CAMK4: variants seen among roughly 807,000 people sequenced by gnomAD.
CAMK4 encodes the protein calcium/calmodulin-dependent protein kinase type IV.
CAMK4 carries 22 observed loss-of-function variants against 44.9 expected under a neutral mutation model. The observed-to-expected ratio is 0.49, with a 90% CI of 0.35 to 0.70. CAMK4 has a LOEUF of 0.70. Ranked by LOEUF, CAMK4 falls within the 30% of genes least tolerant of loss-of-function variation. The pLI is 0.01. For synonymous variants in CAMK4, 218 were observed against 215.4 expected (o/e 1.01, Z -0.11); for missense variants, 498 against 586.8 (o/e 0.85, Z 1.56).
intron 5 of CAMK4, among the ~76,000 whole-genome samples, chr5:111,426,650 C>T (rs904365908): frequency 6.6e-6 from 1 of 152,146 alleles, no homozygotes; most frequent in Non-Finnish European, 1.5e-5. Context: ...CTCCCCCACC[C>T]CCAATGGTAC....
intron 1 of CAMK4, among the ~76,000 whole-genome samples, chr5:111,300,467 T>A (rs929264886): frequency 2.0e-5 from 3 of 152,242 alleles, no homozygotes; most frequent in Non-Finnish European, 2.9e-5. Context: ...AAAAGTATAA[T>A]CTTTGCATTG....
chr5:111,278,380 G>T (rs1561381348), intron 1 of CAMK4, among the ~76,000 whole-genome samples: 2 of 151,788 alleles, frequency 1.3e-5, no homozygotes, highest in African/African-American at 4.8e-5. Flanking sequence ...AGGCTTGTTT[G>T]TTTTTTTTAC....
chr5:111,438,429 C>T (rs1218617069), intron 5 of CAMK4, among the ~76,000 whole-genome samples: 1 of 152,110 alleles, frequency 6.6e-6, no homozygotes, highest in East Asian at 1.9e-4. Flanking sequence ...ATTCAAATCA[C>T]ATCATTTGTA....
At chr5:111,348,405 G>A (rs1749953863) in intron 2 of CAMK4, among the ~76,000 whole-genome samples, 1 of 151,936 alleles carries the variant, frequency 6.6e-6, no homozygotes, top group Non-Finnish European at 1.5e-5. Flanking sequence ...TTAACATACA[G>A]TGAATTGTCA....
chr5:111,271,153 C>T (rs541297027), intron 1 of CAMK4, among the ~76,000 whole-genome samples: 4 of 152,210 alleles, frequency 2.6e-5, no homozygotes, highest in East Asian at 1.9e-4. Flanking sequence ...GATTACAATT[C>T]GAGATGAGAT....
Position 111,224,558 on chromosome 5 carries a change from C to T in CAMK4, c.75C>T (p.Thr25=), listed in dbSNP as rs1177531807. 1.6e-5 allele frequency: 25 copies of T among 1,611,604 alleles called. No homozygotes were observed. Among genetic ancestry groups the T allele is most frequent in the Non-Finnish European group, 2.0e-5 (24 of 1,179,504 alleles). The change falls in exon 1 of 11, where the codon ACC becomes ACT. Residue 25 remains threonine (T), a synonymous_variant. Coordinates refer to ENST00000282356, the MANE Select transcript of CAMK4 (RefSeq NM_001744.6). The surrounding 1 kb of genome is among the most constrained non-coding windows in gnomAD (Gnocchi z 5.7). ...SSVTASAAPG[T]ASLVPDYWID... Reference sequence around the variant, plus strand: ...TCACCGCCAGTGCGGCCCCGGGGACCGCGAGCCTCGTCCCGGATTACTGGA... The same window carrying T: ...TCACCGCCAGTGCGGCCCCGGGGACTGCGAGCCTCGTCCCGGATTACTGGA...
At chr5:111,333,404 T>G (rs1250026113) in intron 1 of CAMK4, among the ~76,000 whole-genome samples, 1 of 124,594 alleles carries the variant, frequency 8.0e-6, no homozygotes, top group Non-Finnish European at 1.9e-5. Flanking sequence ...CATAAAATAT[T>G]TTGAAGCAAA....
intron 2 of CAMK4, among the ~76,000 whole-genome samples, chr5:111,351,938 C>G (rs1750128098): frequency 2.0e-5 from 3 of 152,032 alleles, no homozygotes; most frequent in South Asian, 2.1e-4. Flanking sequence ...TGAGGGCACT[C>G]TTTTTGGCTT....
At chr5:111,252,122 C>T (rs1164822968) in intron 1 of CAMK4, among the ~76,000 whole-genome samples, 1 of 152,152 alleles carries the variant, frequency 6.6e-6, no homozygotes, top group East Asian at 1.9e-4. Flanking sequence ...AAGACACTGT[C>T]GTATTCATGG....
At chr5:111,235,929 A>G (rs532392801) in intron 1 of CAMK4, among the ~76,000 whole-genome samples, 2 of 152,352 alleles carry the variant, frequency 1.3e-5, no homozygotes, top group African/African-American at 4.8e-5. Context: ...CATTCTGGAC[A>G]GCTGGATTGG....
rs1751463503 is a variant in CAMK4 at position 111,382,707 on chromosome 5, A to G, written c.386+5765A>G. ...TCAGAGAGGTCTGTTAACTTCCGTT[A>G]GGTCATTCAGCTTATATATGATCTA... On this transcript the variant is annotated intron_variant, in intron 4 of 10. Transcript: ENST00000282356. Among the ~76,000 whole-genome samples the G allele has an allele frequency of 2.6e-5, 4 of 152,210 alleles. No individual in the cohort carries two copies. In the South Asian group the frequency reaches 8.3e-4, roughly 31 times the overall value.
intron 5 of CAMK4, among the ~76,000 whole-genome samples, chr5:111,407,497 G>A (rs983140751): frequency 1.3e-5 from 2 of 152,092 alleles, no homozygotes; most frequent in East Asian, 1.9e-4. Context: ...GAGGAATCAA[G>A]CTGTAAGGAA....
At chr5:111,359,109 A>G (rs1373219020) in intron 2 of CAMK4, among the ~76,000 whole-genome samples, 3 of 152,094 alleles carry the variant, frequency 2.0e-5, no homozygotes, top group Non-Finnish European at 4.4e-5. Flanking sequence ...GGGATTGCTG[A>G]GTTGAATGGT....
At chr5:111,478,157 A>C (rs1442536811) in intron 8 of CAMK4, among the ~76,000 whole-genome samples, 1 of 151,022 alleles carries the variant, frequency 6.6e-6, no homozygotes, top group Non-Finnish European at 1.5e-5. Context: ...TTTTTGTAGA[A>C]ATCCTAAGTT....
chr5:111,410,764 G>A (rs919572914), intron 5 of CAMK4, among the ~76,000 whole-genome samples: 4 of 152,122 alleles, frequency 2.6e-5, no homozygotes, highest in Admixed American at 6.6e-5. Flanking sequence ...AGTTCTCTGC[G>A]ATAATCAGGT....
chr5:111,260,155 C>T (rs1402946388), intron 1 of CAMK4, among the ~76,000 whole-genome samples: 1 of 152,096 alleles, frequency 6.6e-6, no homozygotes, highest in Non-Finnish European at 1.5e-5. Context: ...ACTTGTGTTC[C>T]CCCATCCTGA....
intron 2 of CAMK4, among the ~76,000 whole-genome samples, chr5:111,370,338 G>A (rs1041113264): frequency 2.0e-5 from 3 of 151,938 alleles, no homozygotes; most frequent in Non-Finnish European, 2.9e-5. Context: ...ATACAACATG[G>A]TAATAGGTAA....
intron 7 of CAMK4, among the ~76,000 whole-genome samples, chr5:111,468,141 A>C (rs1446288177): frequency 6.6e-6 from 1 of 152,200 alleles, no homozygotes; most frequent in East Asian, 1.9e-4. Flanking sequence ...AGGCATACAA[A>C]TGATACAAAT....
chr5:111,348,062 T>G (rs1749939846), intron 2 of CAMK4, among the ~76,000 whole-genome samples: 1 of 152,066 alleles, frequency 6.6e-6, no homozygotes, highest in African/African-American at 2.4e-5. Context: ...AAATTCTCTT[T>G]TACAGCTAAA....
Sources: allele counts gnomAD v4.1 joint callset (sites outside exome capture counted in the v4.1 genomes callset), GRCh38; gene constraint gnomAD v4.1.1; non-coding constraint Gnocchi (gnomAD v3.1); transcripts MANE v1.5; gene names NCBI Gene and HGNC (gene_info 2026-07-23, HGNC 2026-07-21).